CDH12: variants seen among roughly 807,000 people sequenced by gnomAD.
CDH12 encodes cadherin 12.
A neutral mutation model predicts 74.1 loss-of-function variants in CDH12; 41 were observed. The observed-to-expected ratio is 0.55, with a 90% confidence interval of 0.43 to 0.72. The LOEUF is 0.72. CDH12 is among the 30% of genes least tolerant of loss of function. The pLI is 0.00. For synonymous variants in CDH12, 399 were observed against 355.0 expected (o/e 1.12, Z -1.39); for missense variants, 945 against 977.2 (o/e 0.97, Z 0.44).
At chr5:22,741,310 CATTT>C (rs1187001421) in intron 1 of CDH12, among the ~76,000 whole-genome samples, 1 of 152,128 alleles carries the variant, frequency 6.6e-6, no homozygotes, top group Non-Finnish European at 1.5e-5. Flanking sequence ...TTTGCTTTTA[CATTT>C]ATTAATTTTA....
chr5:22,140,877 C>A (rs1746752324), intron 4 of CDH12, among the ~76,000 whole-genome samples: 1 of 152,162 alleles, frequency 6.6e-6, no homozygotes. Flanking sequence ...TGCAGGTGAT[C>A]TTCTCTCAGT....
chr5:22,273,862 GAAA>G (rs1736511758), intron 3 of CDH12, among the ~76,000 whole-genome samples: 1 of 152,024 alleles, frequency 6.6e-6, no homozygotes, highest in African/African-American at 2.4e-5. Context: ...TGCAAAAACA[GAAA>G]TCTATAGAGA....
chr5:22,702,884 T>C (rs1218771837), intron 1 of CDH12, among the ~76,000 whole-genome samples: 1 of 152,066 alleles, frequency 6.6e-6, no homozygotes, highest in African/African-American at 2.4e-5. Flanking sequence ...ACCTTACCAC[T>C]TTTTACAATA....
At chr5:21,942,948 C>T (rs1464289907) in intron 6 of CDH12, among the ~76,000 whole-genome samples, 2 of 152,116 alleles carry the variant, frequency 1.3e-5, no homozygotes, top group African/African-American at 4.8e-5. Flanking sequence ...CCATAATGCC[C>T]ATGTGTTGAG....
At chr5:22,308,037 C>A (rs1056113846) in intron 3 of CDH12, among the ~76,000 whole-genome samples, 8 of 151,508 alleles carry the variant, frequency 5.3e-5, no homozygotes, top group African/African-American at 1.7e-4. Context: ...CCCGCCACCA[C>A]GCCCGGCTAA....
At chr5:22,738,926 T>C (rs1306343983) in intron 1 of CDH12, among the ~76,000 whole-genome samples, 1 of 152,092 alleles carries the variant, frequency 6.6e-6, no homozygotes, top group Non-Finnish European at 1.5e-5. Context: ...AATAATAACA[T>C]TTCATATTAA....
intron 3 of CDH12, among the ~76,000 whole-genome samples, chr5:22,263,736 C>T (rs188426390): frequency 1.7e-4 from 26 of 152,004 alleles, no homozygotes; most frequent in African/African-American, 6.3e-4. Context: ...GGGAACTTAC[C>T]ATGTGTTTTA....
At chr5:22,736,668 A>T (rs1284651881) in intron 1 of CDH12, among the ~76,000 whole-genome samples, 1 of 151,748 alleles carries the variant, frequency 6.6e-6, no homozygotes, top group Admixed American at 6.6e-5. Context: ...TATGTATCAG[A>T]TAGATTAGGA....
chr5:22,041,324 A>G (rs1739562410), intron 5 of CDH12, among the ~76,000 whole-genome samples: 1 of 152,130 alleles, frequency 6.6e-6, no homozygotes, highest in South Asian at 2.1e-4. Context: ...CTTATCTGTC[A>G]ATAATTACTT....
intron 1 of CDH12, among the ~76,000 whole-genome samples, chr5:22,811,870 T>A (rs536548806): frequency 1.3e-5 from 2 of 152,220 alleles, no homozygotes; most frequent in South Asian, 4.1e-4. Context: ...ACTCCATACC[T>A]ATTGTCAGGC....
chr5:22,846,626 A>C (rs1737316523), intron 1 of CDH12, among the ~76,000 whole-genome samples: 1 of 152,194 alleles, frequency 6.6e-6, no homozygotes, highest in Admixed American at 6.5e-5. Flanking sequence ...ATTTTGATGG[A>C]TACTGTCAAA....
intron 6 of CDH12, among the ~76,000 whole-genome samples, chr5:21,938,717 A>AATAT (rs1554046002): frequency 2.8e-5 from 3 of 106,700 alleles, no homozygotes; most frequent in Non-Finnish European, 5.4e-5. Context: ...TTATATATAT[A>AATAT]ATATACATAT....
intron 1 of CDH12, among the ~76,000 whole-genome samples, chr5:22,837,518 C>A (rs924352215): frequency 2.6e-5 from 4 of 151,980 alleles, no homozygotes; most frequent in African/African-American, 9.7e-5. Flanking sequence ...GTCAGATAAA[C>A]AATTTGTATT....
At chr5:22,342,633 TCTTTC>T (rs568687736) in intron 3 of CDH12, among the ~76,000 whole-genome samples, 64,184 of 146,034 alleles carry the variant, frequency 0.44, 14,133 homozygotes, top group South Asian at 0.59. Context: ...CTTTTCTATT[TCTTTC>T]TCTTTCTTAT....
At chr5:22,527,993 T>G (rs183073550) in intron 1 of CDH12, among the ~76,000 whole-genome samples, 62 of 152,248 alleles carry the variant, frequency 4.1e-4, no homozygotes, top group Admixed American at 3.5e-3. Context: ...CATTTCCACA[T>G]GTTTCCTGGA....
intron 1 of CDH12, among the ~76,000 whole-genome samples, chr5:22,678,165 CA>C (rs1174796142): frequency 6.6e-6 from 1 of 151,788 alleles, no homozygotes; most frequent in Admixed American, 6.6e-5. Flanking sequence ...AACGAATCTA[CA>C]AATTTAGAAA....
chr5:22,456,732 G>T (rs1331755139), intron 2 of CDH12, among the ~76,000 whole-genome samples: 1 of 152,076 alleles, frequency 6.6e-6, no homozygotes, highest in Non-Finnish European at 1.5e-5. Context: ...GCAAGTTTCA[G>T]TTTTGACATA....
chr5:22,630,448 T>C (rs1211189954), intron 1 of CDH12, among the ~76,000 whole-genome samples: 1 of 152,052 alleles, frequency 6.6e-6, no homozygotes, highest in East Asian at 1.9e-4. Flanking sequence ...AAAACAGTCA[T>C]ATAGACCCAC....
chr5:22,618,166 A>G (rs1737783608), intron 1 of CDH12, among the ~76,000 whole-genome samples: 1 of 152,112 alleles, frequency 6.6e-6, no homozygotes, highest in Non-Finnish European at 1.5e-5. Flanking sequence ...TCAAAATTAT[A>G]AATTGTTTTT....
Sources: allele counts gnomAD v4.1 joint callset (sites outside exome capture counted in the v4.1 genomes callset), GRCh38; gene constraint gnomAD v4.1.1; transcripts MANE v1.5; gene names NCBI Gene and HGNC (gene_info 2026-07-23, HGNC 2026-07-21).